NEGR1: variants seen among roughly 807,000 people sequenced by gnomAD.
NEGR1 encodes IgLON family member 4.
A neutral mutation model predicts 40.9 loss-of-function variants in NEGR1; 10 were observed. The observed-to-expected ratio is 0.24, with a 90% CI of 0.15 to 0.42. The LOEUF (loss-of-function observed/expected upper bound fraction) is 0.42. Ranked by LOEUF, NEGR1 falls within the 10% of genes least tolerant of loss-of-function variation. The pLI is 1.00. For missense variants in NEGR1, 352 were observed against 438.9 expected (o/e 0.80, Z 1.77); for synonymous variants, 185 against 166.8 (o/e 1.11, Z -0.84).
chr1:71,410,680 CCATTGTT>C (rs1646313795), intron 6 of NEGR1, among the ~76,000 whole-genome samples: 1 of 152,042 alleles, frequency 6.6e-6, no homozygotes, highest in East Asian at 1.9e-4. Flanking sequence ...TTGGGGGATG[CCATTGTT>C]ATGCAACCTT....
chr1:71,829,677 AC>A (rs1269352780), intron 2 of NEGR1, among the ~76,000 whole-genome samples: 7 of 152,068 alleles, frequency 4.6e-5, no homozygotes, highest in South Asian at 4.1e-4. Flanking sequence ...AAACAAAAAA[AC>A]GTAAACAAAA....
chr1:71,438,015 T>C (rs1270468347), intron 6 of NEGR1, among the ~76,000 whole-genome samples: 1 of 152,214 alleles, frequency 6.6e-6, no homozygotes, highest in Non-Finnish European at 1.5e-5. Flanking sequence ...TTGCTAGATA[T>C]TGTTCTTGCA....
intron 5 of NEGR1, among the ~76,000 whole-genome samples, chr1:71,597,569 A>G (rs1185038728): frequency 6.8e-6 from 1 of 147,788 alleles, no homozygotes; most frequent in Non-Finnish European, 1.5e-5. Flanking sequence ...TGTATGTGGG[A>G]CATTTTATCT....
chr1:71,501,577 A>G (rs1253746320), intron 6 of NEGR1, among the ~76,000 whole-genome samples: 1 of 152,164 alleles, frequency 6.6e-6, no homozygotes, highest in African/African-American at 2.4e-5. Flanking sequence ...ACCTATCTGT[A>G]AAATAAAGAA....
intron 1 of NEGR1, among the ~76,000 whole-genome samples, chr1:71,967,408 A>C: frequency 6.6e-6 from 1 of 152,144 alleles, no homozygotes; most frequent in East Asian, 1.9e-4. Context: ...GCAACAGTGG[A>C]TATAAATTTT....
intron 6 of NEGR1, among the ~76,000 whole-genome samples, chr1:71,457,621 T>C (rs1646682896): frequency 6.6e-6 from 1 of 152,262 alleles, no homozygotes; most frequent in South Asian, 2.1e-4. Context: ...ATGTAAATAC[T>C]TGGACCTGAC....
At chr1:71,737,474 T>C (rs1326346952) in intron 3 of NEGR1, among the ~76,000 whole-genome samples, 1 of 151,988 alleles carries the variant, frequency 6.6e-6, no homozygotes, top group African/African-American at 2.4e-5. Context: ...AAAAAAGTAA[T>C]GAAGCAGATA....
chr1:72,166,703 T>A (rs1651777792), intron 1 of NEGR1, among the ~76,000 whole-genome samples: 1 of 152,084 alleles, frequency 6.6e-6, no homozygotes, highest in Non-Finnish European at 1.5e-5. Context: ...GTTGAACTTA[T>A]AAGAGTTGTT....
In NEGR1 at chr1:72,143,914, A is replaced by G. The variant is rs550223280; in HGVS notation, c.176+138405T>C. ...TATATATTATATATATGATATATAT[A>G]ATATATATATATATATATATATATA... On this transcript the variant is annotated intron_variant, in intron 1 of 6. Transcript: ENST00000357731. 1.6e-3 allele frequency among the ~76,000 whole-genome samples: 213 copies of G among 130,588 alleles called. 1 individual carries two copies. Among genetic ancestry groups the G allele is most frequent in the Non-Finnish European group, 2.8e-3 (179 of 63,360 alleles). 85.7% of individuals were successfully genotyped at this position (130,588 alleles called of 152,430 possible). A position where few individuals can be genotyped will look rare whatever the true frequency, so the allele number is the denominator to read the frequency against.
At chr1:71,950,092 T>C (rs985730639) in intron 1 of NEGR1, among the ~76,000 whole-genome samples, 1 of 152,082 alleles carries the variant, frequency 6.6e-6, no homozygotes, top group Non-Finnish European at 1.5e-5. Flanking sequence ...ATTGTAATTA[T>C]TATTCTTATG....
intron 1 of NEGR1, among the ~76,000 whole-genome samples, chr1:72,008,005 T>A (rs2630414): frequency 1 from 151,649 of 152,302 alleles, 75,501 homozygotes; most frequent in East Asian, 1. Context: ...TTTAAAAAGT[T>A]ATCCTGTGTG....
At chr1:72,076,738 A>G (rs939408008) in intron 1 of NEGR1, among the ~76,000 whole-genome samples, 1 of 152,140 alleles carries the variant, frequency 6.6e-6, no homozygotes, top group Non-Finnish European at 1.5e-5. Flanking sequence ...ACACACACAC[A>G]TACTGTATCC....
chr1:71,829,198 C>T (rs1658750083), intron 2 of NEGR1, among the ~76,000 whole-genome samples: 1 of 151,770 alleles, frequency 6.6e-6, no homozygotes, highest in Non-Finnish European at 1.5e-5. Context: ...GTATTAAATC[C>T]TCAACGTTTT....
Position 71,771,699 on chromosome 1 carries a change from CAAAA to C in NEGR1, c.535+4469_535+4472del, listed in dbSNP as rs60830449. Among the ~76,000 whole-genome samples, 4 of 12,098 alleles carry C rather than the reference CAAAA, an allele frequency of 3.3e-4. No individual in the cohort carries two copies. In the East Asian group the frequency reaches 0.011, roughly 33 times the overall value. The allele number at this position is 12,098 out of a possible 152,430, so 7.9% of individuals were successfully genotyped here. ...GGGTAACAAAAGCAAGACTTAGTCTCAAAAAAAAAAAAAAAAAAAAAAAGGTGTG... is the reference window on the plus strand; with the variant it reads ...GGGTAACAAAAGCAAGACTTAGTCTCAAAAAAAAAAAAAAAAAAAGGTGTG... On this transcript the variant is annotated intron_variant, in intron 3 of 6. Transcript: ENST00000357731.
At chr1:71,590,623 T>C (rs2101518388) in intron 6 of NEGR1, among the ~76,000 whole-genome samples, 1 of 152,278 alleles carries the variant, frequency 6.6e-6, no homozygotes, top group Non-Finnish European at 1.5e-5. Flanking sequence ...GCCACATTTA[T>C]ATTCTCTAAG....
At chr1:72,150,950 C>A (rs1557551848) in intron 1 of NEGR1, among the ~76,000 whole-genome samples, 1 of 151,886 alleles carries the variant, frequency 6.6e-6, no homozygotes, top group Non-Finnish European at 1.5e-5. Flanking sequence ...GGCCCAACAA[C>A]AACTCCTTGG....
intron 2 of NEGR1, among the ~76,000 whole-genome samples, chr1:71,796,474 T>G (rs2101742425): frequency 6.6e-6 from 1 of 152,252 alleles, no homozygotes; most frequent in African/African-American, 2.4e-5. Flanking sequence ...CAAATTCAAA[T>G]AATCTAGAAA....
intron 2 of NEGR1, among the ~76,000 whole-genome samples, chr1:71,803,486 C>G (rs889906783): frequency 6.6e-6 from 1 of 152,128 alleles, no homozygotes; most frequent in South Asian, 2.1e-4. Flanking sequence ...TCTCTACATC[C>G]TGTTGCTTTT....
chr1:71,872,605 C>T (rs1301107557), intron 2 of NEGR1, among the ~76,000 whole-genome samples: 2 of 152,134 alleles, frequency 1.3e-5, no homozygotes, highest in East Asian at 1.9e-4. Context: ...CTATTCACCA[C>T]GTTGGACATG....
Sources: allele counts gnomAD v4.1 joint callset (sites outside exome capture counted in the v4.1 genomes callset), GRCh38; gene constraint gnomAD v4.1.1; transcripts MANE v1.5; gene names NCBI Gene and HGNC (gene_info 2026-07-23, HGNC 2026-07-21).